Variants in NLGN1 observed in about 807,000 individuals in gnomAD.
NLGN1 encodes neuroligin 1, also known as neuroligin-1.
Under a neutral mutation model 65.5 loss-of-function variants are expected in NLGN1, and 12 were observed. That is an observed-to-expected ratio of 0.18 (90% confidence interval 0.12 to 0.30). The LOEUF is 0.30. Ranked by LOEUF, NLGN1 falls within the 10% of genes least tolerant of loss-of-function variation. The probability of loss-of-function intolerance (pLI) is 1.00; values close to 1 mark genes in which losing one functional copy is unlikely to be tolerated. For missense variants in NLGN1, 750 were observed against 1,007.1 expected (o/e 0.74, Z 3.46); for synonymous variants, 350 against 359.5 (o/e 0.97, Z 0.30).
At chr3:174,259,805 G>C (rs542596826) in intron 4 of NLGN1, among the ~76,000 whole-genome samples, 3 of 150,452 alleles carry the variant, frequency 2.0e-5, no homozygotes, top group Non-Finnish European at 3.0e-5. Flanking sequence ...TCTAGCATTA[G>C]GTATATCTCC....
At chr3:173,527,976 G>A (rs1735933920) in intron 2 of NLGN1, among the ~76,000 whole-genome samples, 2 of 152,168 alleles carry the variant, frequency 1.3e-5, no homozygotes, top group South Asian at 4.1e-4. Context: ...GATATGCAAG[G>A]TTTTATTCCT....
intron 3 of NLGN1, among the ~76,000 whole-genome samples, chr3:173,753,558 T>A (rs1776622992): frequency 6.6e-6 from 1 of 152,154 alleles, no homozygotes; most frequent in Admixed American, 6.6e-5. Flanking sequence ...CTGTTATGTC[T>A]CGCCTGGATG....
At chr3:174,007,837 A>G (rs1724751374) in intron 4 of NLGN1, among the ~76,000 whole-genome samples, 1 of 152,134 alleles carries the variant, frequency 6.6e-6, no homozygotes, top group Non-Finnish European at 1.5e-5. Flanking sequence ...TACCACACAC[A>G]TTGACTTGTG....
At chr3:173,909,992 T>C (rs1469442244) in intron 4 of NLGN1, among the ~76,000 whole-genome samples, 2 of 152,206 alleles carry the variant, frequency 1.3e-5, no homozygotes, top group Non-Finnish European at 2.9e-5. Context: ...CAACATTTCT[T>C]ATAGTGAAGG....
At chr3:173,398,480 A>AAC (rs1412065809) in exon 1 of NLGN1, 1 of 152,240 alleles carries the variant, frequency 6.6e-6, no homozygotes. Flanking sequence ...GCCTCAACAC[A>AAC]ATGCCTTGTG....
chr3:174,196,443 A>T (rs1184185586), intron 4 of NLGN1, among the ~76,000 whole-genome samples: 1 of 152,188 alleles, frequency 6.6e-6, no homozygotes, highest in Non-Finnish European at 1.5e-5. Flanking sequence ...TCTATTTTCA[A>T]AAGTTCTCAT....
intron 2 of NLGN1, among the ~76,000 whole-genome samples, chr3:173,600,592 C>A (rs377426309): frequency 9.7e-6 from 1 of 103,478 alleles, no homozygotes; most frequent in African/African-American, 3.3e-5. Flanking sequence ...AAAAACATAT[C>A]TTTTTTTTTA....
chr3:173,578,865 A>G (rs577843691), intron 2 of NLGN1, among the ~76,000 whole-genome samples: 38 of 152,354 alleles, frequency 2.5e-4, no homozygotes, highest in African/African-American at 9.1e-4. Context: ...AATATTCTGC[A>G]AAATAATGCA....
intron 1 of NLGN1, among the ~76,000 whole-genome samples, chr3:173,402,387 G>T (rs143096706): frequency 4.1e-4 from 62 of 152,070 alleles, no homozygotes; most frequent in African/African-American, 1.4e-3. Flanking sequence ...TAAGTTCGTT[G>T]AATGCAAATT....
chr3:174,204,119 AT>A (rs768428367), intron 4 of NLGN1, among the ~76,000 whole-genome samples: 7 of 152,172 alleles, frequency 4.6e-5, no homozygotes, highest in Non-Finnish European at 1.0e-4. Flanking sequence ...TTAATGAAAT[AT>A]GTGTTTTTCT....
At chr3:174,088,127 A>T (rs1743771698) in intron 4 of NLGN1, among the ~76,000 whole-genome samples, 1 of 152,212 alleles carries the variant, frequency 6.6e-6, no homozygotes, top group Admixed American at 6.5e-5. Flanking sequence ...GAATAATAAT[A>T]AAAAACATTC....
At chr3:173,711,533 A>G (rs1268700433) in intron 3 of NLGN1, among the ~76,000 whole-genome samples, 1 of 152,112 alleles carries the variant, frequency 6.6e-6, no homozygotes, top group Non-Finnish European at 1.5e-5. Context: ...GAAAACACTC[A>G]TTTTTTGTTG....
At position 173,446,320 on chromosome 3, in the gene NLGN1, T is replaced by A. The variant is rs1720306300; in HGVS notation, c.-321+11242T>A. Among the ~76,000 whole-genome samples the A allele has an allele frequency of 3.4e-5, 5 of 149,180 alleles. No individual in the cohort carries two copies. The South Asian group carries it at 1.1e-3, about 33-fold the overall frequency. On this transcript the variant is annotated intron_variant, in intron 2 of 6. Transcript: ENST00000457714. ...ATGAGTGAGAACATGCGGTGTTTGGTTTTTTTGTCCTTGCAATAGTTTGCT... is the reference window on the plus strand; with the variant it reads ...ATGAGTGAGAACATGCGGTGTTTGGATTTTTTGTCCTTGCAATAGTTTGCT...
intron 2 of NLGN1, among the ~76,000 whole-genome samples, chr3:173,447,704 C>T (rs550182577): frequency 2.6e-5 from 4 of 152,236 alleles, no homozygotes; most frequent in Admixed American, 2.6e-4. Flanking sequence ...ATGGAATGTT[C>T]TTTCATTTGT....
Position 173,419,147 on chromosome 3 carries a change from T to A in NLGN1, c.-389-15863T>A, listed in dbSNP as rs544525133. 9.3e-5 allele frequency among the ~76,000 whole-genome samples: 14 copies of A among 150,606 alleles called. No homozygotes were observed. The East Asian group carries it at 2.2e-3, about 23-fold the overall frequency. On this transcript the variant is annotated intron_variant, in intron 1 of 6. Transcript: ENST00000457714. ...TTTTTTTTGGCAGTTAAAGACAGGT[T>A]TACTTTCGATAAAACCTGAGAAGGG... is the stretch of plus-strand genomic sequence containing the variant.
At chr3:173,747,783 T>TTTC (rs1553832026) in intron 3 of NLGN1, among the ~76,000 whole-genome samples, 31 of 142,226 alleles carry the variant, frequency 2.2e-4, no homozygotes, top group African/African-American at 8.3e-4. Context: ...CAAAATTTTC[T>TTTC]TTCTTCTTCT....
At chr3:173,838,981 A>G (rs1724215123) in intron 4 of NLGN1, among the ~76,000 whole-genome samples, 1 of 152,072 alleles carries the variant, frequency 6.6e-6, no homozygotes, top group Admixed American at 6.5e-5. Context: ...ATTATTTTTT[A>G]TTCAGAAAGC....
chr3:174,004,767 T>G (rs1297835912), intron 4 of NLGN1, among the ~76,000 whole-genome samples: 1 of 152,148 alleles, frequency 6.6e-6, no homozygotes, highest in Non-Finnish European at 1.5e-5. Context: ...ATCTATTGTT[T>G]AAACAGAGTA....
intron 2 of NLGN1, among the ~76,000 whole-genome samples, chr3:173,514,146 T>C (rs990246694): frequency 2.0e-5 from 3 of 152,168 alleles, no homozygotes; most frequent in African/African-American, 7.2e-5. Context: ...ATGAATCATA[T>C]GAGATTTAAT....
Sources: gnomAD v4.1 joint callset for allele counts (sites outside exome capture counted in the v4.1 genomes callset) on GRCh38, gnomAD v4.1.1 for gene constraint, MANE v1.5 for transcripts, NCBI Gene and HGNC (gene_info 2026-07-23, HGNC 2026-07-21) for gene names.